Variants in UVRAG observed in about 807,000 individuals in gnomAD.
UVRAG encodes UV radiation resistance associated, also known as UV radiation resistance-associated gene protein.
A neutral mutation model predicts 78.0 loss-of-function variants in UVRAG; 19 were observed. The observed-to-expected ratio is 0.24, with a 90% CI of 0.17 to 0.36. The LOEUF (loss-of-function observed/expected upper bound fraction) is 0.36. Among genes scored for constraint, UVRAG ranks in the 10% least tolerant of loss-of-function variants. The pLI, the probability that UVRAG is intolerant of heterozygous loss-of-function variation, is 1.00. For synonymous variants in UVRAG, 323 were observed against 324.6 expected (o/e 1.00, Z 0.05); for missense variants, 740 against 853.8 (o/e 0.87, Z 1.66).
chr11:76,092,994 T>C (rs1951729499), intron 13 of UVRAG, among the ~76,000 whole-genome samples: 1 of 152,200 alleles, frequency 6.6e-6, no homozygotes, highest in Admixed American at 6.5e-5. Context: ...CTTTAATCCA[T>C]CTTGAATTAA....
chr11:75,913,505 A>G (rs1728376616), intron 6 of UVRAG, among the ~76,000 whole-genome samples: 1 of 152,188 alleles, frequency 6.6e-6, no homozygotes, highest in African/African-American at 2.4e-5. Flanking sequence ...GATGCTTCTA[A>G]AAAGTGGAAG....
chr11:76,096,822 C>T (rs933441762), intron 13 of UVRAG, among the ~76,000 whole-genome samples: 2 of 152,122 alleles, frequency 1.3e-5, no homozygotes, highest in African/African-American at 2.4e-5. Context: ...GACCTTAACC[C>T]GGGATTTGGA....
At chr11:76,082,309 G>A (rs1222499933) in intron 13 of UVRAG, among the ~76,000 whole-genome samples, 1 of 152,108 alleles carries the variant, frequency 6.6e-6, no homozygotes, top group Non-Finnish European at 1.5e-5. Context: ...GGGAGGCCGA[G>A]GCGGGCAGAT....
intron 6 of UVRAG, among the ~76,000 whole-genome samples, chr11:75,929,726 G>A (rs1297870657): frequency 6.6e-6 from 1 of 152,092 alleles, no homozygotes; most frequent in Non-Finnish European, 1.5e-5. Flanking sequence ...TCTTGCTCAC[G>A]GTAACAGCCA....
intron 12 of UVRAG, among the ~76,000 whole-genome samples, chr11:76,061,105 G>C (rs1258159951): frequency 1.3e-5 from 2 of 152,202 alleles, no homozygotes; most frequent in East Asian, 3.8e-4. Context: ...TCTGTATCTA[G>C]CTCAAGGTTT....
At chr11:76,024,102 T>C (rs1019320807) in intron 12 of UVRAG, among the ~76,000 whole-genome samples, 1 of 152,226 alleles carries the variant, frequency 6.6e-6, no homozygotes, top group African/African-American at 2.4e-5. Context: ...ATTAAGTGTC[T>C]TTCCAGATTT....
chr11:75,879,978 A>G lies in UVRAG; in HGVS notation c.370A>G (p.Ile124Val), dbSNP rs756864794. ...GAAGATATGGGGTGGAAAGGAGAAC[A>G]TCTACCAGCTGTTGATTGAATGGAA... The part of the protein sequence containing the change: ...VVKIWGGKEN[I>V]YQLLIEWKVC... The change falls in exon 4 of 15, where the codon ATC becomes GTC. Residue 124 changes from isoleucine to valine, a missense_variant. Transcript: ENST00000356136. 2.4e-5 allele frequency: 38 copies of G among 1,614,046 alleles called. No individual in the cohort carries two copies. The highest frequency in any genetic ancestry group is 1.6e-4 in the Middle Eastern group (1 of 6,084).
chr11:75,868,825 T>G (rs1412082496), intron 3 of UVRAG, among the ~76,000 whole-genome samples: 1 of 152,228 alleles, frequency 6.6e-6, no homozygotes, highest in Non-Finnish European at 1.5e-5. Flanking sequence ...ATCTACTCAT[T>G]GGTTATTTTC....
chr11:76,043,045 G>T (rs1413409474), intron 12 of UVRAG, among the ~76,000 whole-genome samples: 1 of 152,198 alleles, frequency 6.6e-6, no homozygotes, highest in Non-Finnish European at 1.5e-5. Context: ...AGGTTAAAAT[G>T]ATCCTAACTA....
intron 5 of UVRAG, among the ~76,000 whole-genome samples, chr11:75,896,434 C>T (rs1321264887): frequency 6.6e-6 from 1 of 152,158 alleles, no homozygotes. Flanking sequence ...TGTGGGACTG[C>T]TGACAGCTGC....
chr11:75,904,265 C>T (rs1003887388), intron 5 of UVRAG, among the ~76,000 whole-genome samples: 2 of 152,178 alleles, frequency 1.3e-5, no homozygotes, highest in African/African-American at 4.8e-5. Flanking sequence ...TTAATAGGCA[C>T]TCACCCAGAC....
chr11:75,826,878 A>T (rs1417027771), intron 1 of UVRAG, among the ~76,000 whole-genome samples: 1 of 152,018 alleles, frequency 6.6e-6, no homozygotes, highest in African/African-American at 2.4e-5. Flanking sequence ...TCTTTGTGAA[A>T]ACTCCAGTAT....
intron 3 of UVRAG, among the ~76,000 whole-genome samples, chr11:75,876,919 G>T (rs145443172): frequency 0.064 from 9,659 of 150,478 alleles, 427 homozygotes; most frequent in African/African-American, 0.13. Context: ...AGGGTCATGG[G>T]ACAATAGTGG....
chr11:75,815,243 A>ACGGCGGCAGCGGCGGCAGCGGCGGCAG lies in UVRAG; in HGVS notation c.-140_-139insAGCGGCGGCAGCGGCGGCAGCGGCGGC, dbSNP rs770357399. Reference sequence around the variant, plus strand: ...GGCTCTTCCTTAGCCAGCGGCGGCAACGGCGGCAGCGGCGGCAGCGGCGGC... The same window carrying ACGGCGGCAGCGGCGGCAGCGGCGGCAG: ...GGCTCTTCCTTAGCCAGCGGCGGCAACGGCGGCAGCGGCGGCAGCGGCGGCAGCGGCGGCAGCGGCGGCAGCGGCGGC... On this transcript the variant is annotated 5_prime_UTR_variant, in exon 1 of 15. Transcript: ENST00000356136. 6.6e-5 allele frequency: 30 copies of ACGGCGGCAGCGGCGGCAGCGGCGGCAG among 451,136 alleles called. 1 individual carries two copies. The highest frequency in any genetic ancestry group is 8.6e-5 in the Admixed American group (2 of 23,220). The allele number at this position is 451,136 out of a possible 1,614,324, so 27.9% of individuals were successfully genotyped here. A position where few individuals can be genotyped will look rare whatever the true frequency, so the allele number is the denominator to read the frequency against.
chr11:75,839,843 A>C (rs899323646), intron 1 of UVRAG, among the ~76,000 whole-genome samples: 2 of 148,352 alleles, frequency 1.3e-5, no homozygotes, highest in Admixed American at 6.7e-5. Flanking sequence ...ATATATACAC[A>C]CCCCCACACA....
intron 5 of UVRAG, 23 bp from the exon 6 acceptor site, chr11:75,911,931 A>G (rs1246755344): frequency 6.6e-7 from 1 of 1,515,918 alleles, no homozygotes; most frequent in Non-Finnish European, 9.1e-7. Flanking sequence ...GTTTTGATTA[A>G]TTTGTTGGTT....
chr11:75,871,717 G>A (rs1220764840), intron 3 of UVRAG, among the ~76,000 whole-genome samples: 2 of 152,186 alleles, frequency 1.3e-5, no homozygotes, highest in Admixed American at 6.5e-5. Flanking sequence ...CTTAGAAGTG[G>A]AATTAAGTGC....
At chr11:75,891,238 T>A (rs894743546) in intron 5 of UVRAG, among the ~76,000 whole-genome samples, 1 of 152,208 alleles carries the variant, frequency 6.6e-6, no homozygotes, top group African/African-American at 2.4e-5. Context: ...ATAAATAATA[T>A]TGAATTCCCA....
intron 1 of UVRAG, among the ~76,000 whole-genome samples, chr11:75,828,626 GCAC>G (rs1296085471): frequency 6.7e-6 from 1 of 149,392 alleles, no homozygotes; most frequent in Admixed American, 6.7e-5. Context: ...CTACAGGCAC[GCAC>G]CACCATGCCT....
Sources: allele counts gnomAD v4.1 joint callset (sites outside exome capture counted in the v4.1 genomes callset), GRCh38; gene constraint gnomAD v4.1.1; transcripts MANE v1.5; gene names NCBI Gene and HGNC (gene_info 2026-07-23, HGNC 2026-07-21).